The following BCR variants were observed in gnomAD, a reference collection of about 807,000 sequenced individuals.
BCR encodes the protein BCR activator of RhoGEF and GTPase, also known as breakpoint cluster region protein.
In BCR, 58 loss-of-function variants were observed where a neutral mutation model predicts 138.6. That is an observed-to-expected ratio of 0.42 (90% confidence interval 0.34 to 0.52). The LOEUF is 0.52. Among genes scored for constraint, BCR ranks in the 20% least tolerant of loss-of-function variants. The pLI, the probability that BCR is intolerant of heterozygous loss-of-function variation, is 0.06. For synonymous variants in BCR, 786 were observed against 730.1 expected (o/e 1.08, Z -1.23); for missense variants, 1,599 against 1,727.2 (o/e 0.93, Z 1.32).
Position 23,271,560 on chromosome 22 carries a change from C to G in BCR, c.1889C>G (p.Ala630Gly), listed in dbSNP as rs138532078. 3 of 1,613,960 alleles carry G rather than the reference C, an allele frequency of 1.9e-6. No individual in the cohort carries two copies. The highest frequency in any genetic ancestry group is 2.5e-6 in the Non-Finnish European group (3 of 1,180,030). Residue 630 changes from alanine to glycine, a missense_variant, in exon 6 of 23, where the codon GCC (alanine) becomes GGC (glycine). Ala to Gly is a moderately conservative substitution (Grantham distance 60). Transcript: ENST00000305877. The stretch of plus-strand genomic sequence containing the variant: ...CTGAGAGCCAGAAGCAACAAAGATG[C>G]CAAGGATCCAACGACCAAGAACTCT... ...ENLRARSNKD[A>G]KDPTTKNSLE...
chr22:23,230,360 C>T (rs936727774), intron 1 of BCR, among the ~76,000 whole-genome samples: 2 of 152,188 alleles, frequency 1.3e-5, no homozygotes, highest in African/African-American at 4.8e-5. Flanking sequence ...TGGTGATGTT[C>T]CCTGGGATAG....
chr22:23,190,752 A>G (rs1196362851), intron 1 of BCR, among the ~76,000 whole-genome samples: 2 of 152,058 alleles, frequency 1.3e-5, no homozygotes, highest in African/African-American at 4.8e-5. Context: ...GCCAAGCGTC[A>G]TGTGGTTTTA....
rs750620212 is a variant in BCR, at chr22:23,262,338, G to A, written c.1752+798G>A. The stretch of plus-strand genomic sequence containing the variant: ...CCCCTTGGCTGGTGCTGGGGGCTGA[G>A]TTTTCTGCTCTGAGGTGTGGCTTTC... On this transcript the variant is annotated intron_variant, in intron 4 of 22. Coordinates refer to ENST00000305877, the MANE Select transcript of BCR (RefSeq NM_004327.4). 6.6e-5 allele frequency among the ~76,000 whole-genome samples: 10 copies of A among 152,284 alleles called. No individual in the cohort carries two copies. In the East Asian group the frequency reaches 1.9e-3, roughly 29 times the overall value.
chr22:23,274,156 C>T (rs1382665444), intron 8 of BCR, among the ~76,000 whole-genome samples: 7 of 152,194 alleles, frequency 4.6e-5, no homozygotes, highest in Non-Finnish European at 8.8e-5. Flanking sequence ...TGCCTGGAAT[C>T]CTCCTACTTC....
Position 23,315,654 on chromosome 22 carries a change from C to A in BCR, c.*132C>A, listed in dbSNP as rs1393474455. On this transcript the variant is annotated 3_prime_UTR_variant, in exon 23 of 23. Transcript: ENST00000305877. ...AAGTGTTGGGCCATCTGCCAAGAGA[C>A]AGCGACCCAAAGCCGAAGGACAGGT... 7 of 869,056 alleles carry A rather than the reference C, an allele frequency of 8.1e-6. No homozygotes were observed. The highest frequency in any genetic ancestry group is 1.7e-5 in the African/African-American group (1 of 60,266). The allele number at this position is 869,056 out of a possible 1,614,324, so 53.8% of individuals were successfully genotyped here.
intron 1 of BCR, among the ~76,000 whole-genome samples, chr22:23,212,777 T>G (rs1025342674): frequency 5.3e-5 from 8 of 152,234 alleles, no homozygotes; most frequent in African/African-American, 1.2e-4. Context: ...TCCGTTGGTT[T>G]GTTTTCTCAC....
chr22:23,207,850 A>T (rs76727225), intron 1 of BCR, among the ~76,000 whole-genome samples: 1 of 152,092 alleles, frequency 6.6e-6, no homozygotes, highest in African/African-American at 2.4e-5. Context: ...AGACTTCTGC[A>T]TGGAGGATGG....
At chr22:23,204,375 TTAAGA>T (rs2072588129) in intron 1 of BCR, among the ~76,000 whole-genome samples, 1 of 145,534 alleles carries the variant, frequency 6.9e-6, no homozygotes, top group African/African-American at 2.8e-5. Context: ...GGCAGCATTT[TTAAGA>T]TCCGTTAGTT....
At chr22:23,188,206 C>T (rs1489235081) in intron 1 of BCR, among the ~76,000 whole-genome samples, 2 of 152,194 alleles carry the variant, frequency 1.3e-5, no homozygotes, top group African/African-American at 2.4e-5. Flanking sequence ...AAGGCATCAG[C>T]AGCACAGAAG....
intron 1 of BCR, among the ~76,000 whole-genome samples, chr22:23,229,570 C>T (rs1007519238): frequency 6.6e-5 from 10 of 152,228 alleles, no homozygotes; most frequent in Non-Finnish European, 1.0e-4. Context: ...TCTGTGGTTC[C>T]GGTATCCACC....
intron 15 of BCR, among the ~76,000 whole-genome samples, chr22:23,293,368 G>A (rs565962952): frequency 2.6e-5 from 4 of 152,272 alleles, no homozygotes; most frequent in Admixed American, 6.5e-5. Context: ...TGGTCTACAC[G>A]GGTCACGAGG....
chr22:23,218,119 AC>A (rs2072779112), intron 1 of BCR, among the ~76,000 whole-genome samples: 1 of 151,756 alleles, frequency 6.6e-6, no homozygotes, highest in South Asian at 2.1e-4. Context: ...TTCATTCTGG[AC>A]CCCCTTGTCA....
intron 1 of BCR, among the ~76,000 whole-genome samples, chr22:23,202,721 TTGTGTGTGTG>T (rs58577462): frequency 0.01 from 1,476 of 142,862 alleles, 32 homozygotes; most frequent in African/African-American, 0.038. Flanking sequence ...ATTCAATTGT[TTGTGTGTGTG>T]TGTGTGTGTG....
chr22:23,223,182 G>A (rs2072846942), intron 1 of BCR, among the ~76,000 whole-genome samples: 1 of 152,200 alleles, frequency 6.6e-6, no homozygotes, highest in Admixed American at 6.5e-5. Flanking sequence ...GGGGGGTACA[G>A]TATTAAGTCC....
chr22:23,222,344 C>T (rs1421458837), intron 1 of BCR, among the ~76,000 whole-genome samples: 1 of 152,142 alleles, frequency 6.6e-6, no homozygotes, highest in Non-Finnish European at 1.5e-5. Flanking sequence ...CTGTCTGATT[C>T]CGGCCGAGTT....
intron 14 of BCR, 165 bp downstream of exon 14, chr22:23,290,578 G>T (rs2073774484): frequency 8.4e-6 from 6 of 716,086 alleles, no homozygotes; most frequent in Admixed American, 6.7e-5. Flanking sequence ...GATGCCTTCT[G>T]GGTGTGGAAT....
rs545082339 is a variant in BCR, at chr22:23,199,976, C to T, written c.1279+17737C>T. On this transcript the variant is annotated intron_variant, in intron 1 of 22. Coordinates refer to ENST00000305877, the MANE Select transcript of BCR (RefSeq NM_004327.4). ...GGTGGCGGGCGCCTGTAGTCCCAGCCACTCAGGAGGCTGAGGCATGAGAAT... is the reference window on the plus strand; with the variant it reads ...GGTGGCGGGCGCCTGTAGTCCCAGCTACTCAGGAGGCTGAGGCATGAGAAT... Among the ~76,000 whole-genome samples, 923 of 151,860 alleles carry T rather than the reference C, an allele frequency of 6.1e-3. 10 individuals carry two copies. The highest frequency in any genetic ancestry group is 8.7e-3 in the Non-Finnish European group (590 of 67,946).
Position 23,217,393 on chromosome 22 carries a change from A to G in BCR, c.1279+35154A>G, listed in dbSNP as rs139096565. ...GACATCCAGAGATAGTGACCACACCATGGGGTACCTTCAAGCTCTGGTGCT... is the reference window on the plus strand; with the variant it reads ...GACATCCAGAGATAGTGACCACACCGTGGGGTACCTTCAAGCTCTGGTGCT... On this transcript the variant is annotated intron_variant, in intron 1 of 22. Coordinates refer to ENST00000305877, the MANE Select transcript of BCR (RefSeq NM_004327.4). 3.2e-3 allele frequency among the ~76,000 whole-genome samples: 488 copies of G among 152,322 alleles called. 3 individuals are homozygous for G. The highest frequency in any genetic ancestry group is 5.7e-3 in the African/African-American group (239 of 41,588).
chr22:23,216,822 GT>G (rs374920200), intron 1 of BCR, among the ~76,000 whole-genome samples: 3 of 152,368 alleles, frequency 2.0e-5, no homozygotes, highest in African/African-American at 7.2e-5. Flanking sequence ...GTCCGTCATT[GT>G]TCTGCAGTGA....
Sources: gnomAD v4.1 joint callset for allele counts (sites outside exome capture counted in the v4.1 genomes callset) on GRCh38, gnomAD v4.1.1 for gene constraint, MANE v1.5 for transcripts, NCBI Gene and HGNC (gene_info 2026-07-23, HGNC 2026-07-21) for gene names.